Variants in CA10 observed in about 807,000 individuals in gnomAD.
CA10 encodes carbonic anhydrase-related protein 10.
Under a neutral mutation model 44.2 loss-of-function variants are expected in CA10, and 14 were observed. The observed-to-expected ratio is 0.32, with a 90% confidence interval of 0.21 to 0.50. The LOEUF (loss-of-function observed/expected upper bound fraction) is 0.50. CA10 is among the 20% of genes least tolerant of loss of function. CA10 has a pLI of 0.99. For synonymous variants in CA10, 159 were observed against 141.6 expected (o/e 1.12, Z -0.87); for missense variants, 350 against 409.7 (o/e 0.85, Z 1.26).
At chr17:52,032,928 A>T (rs910877566) in intron 2 of CA10, among the ~76,000 whole-genome samples, 4 of 152,214 alleles carry the variant, frequency 2.6e-5, no homozygotes, top group Admixed American at 6.5e-5. Context: ...CATAAACATT[A>T]TCCTAATTAG....
chr17:51,827,330 ACG>A (rs961202557), intron 3 of CA10, among the ~76,000 whole-genome samples: 8 of 136,076 alleles, frequency 5.9e-5, no homozygotes, highest in Middle Eastern at 3.6e-3. Context: ...GGAGAGAAAC[ACG>A]CACACACACA....
chr17:52,148,172 A>G (rs1406944470), intron 1 of CA10, among the ~76,000 whole-genome samples: 1 of 152,216 alleles, frequency 6.6e-6, no homozygotes, highest in Non-Finnish European at 1.5e-5. Context: ...AAGACTAAAA[A>G]GTGGGGTAGG....
intron 5 of CA10, among the ~76,000 whole-genome samples, chr17:51,651,590 T>G (rs1913567182): frequency 1.3e-5 from 2 of 152,194 alleles, no homozygotes; most frequent in African/African-American, 4.8e-5. Flanking sequence ...GGCAAGCAAC[T>G]AGGACTTGCA....
chr17:51,826,484 G>A (rs911066921), intron 3 of CA10, among the ~76,000 whole-genome samples: 1 of 152,236 alleles, frequency 6.6e-6, no homozygotes, highest in Non-Finnish European at 1.5e-5. Context: ...GACTTCATAA[G>A]CTATGAAGCA....
chr17:52,012,985 G>T (rs189867782), intron 2 of CA10, among the ~76,000 whole-genome samples: 548 of 152,026 alleles, frequency 3.6e-3, no homozygotes, highest in Non-Finnish European at 6.6e-3. Context: ...TGCTGGCCAA[G>T]GTGTACATAT....
chr17:51,843,525 G>A (rs939096396), intron 3 of CA10, among the ~76,000 whole-genome samples: 4 of 152,034 alleles, frequency 2.6e-5, no homozygotes, highest in South Asian at 2.1e-4. Context: ...TTTCCCCCAC[G>A]TGAAGTCTCC....
At chr17:51,849,260 TATATA>T (rs1978679684) in intron 3 of CA10, among the ~76,000 whole-genome samples, 1 of 137,512 alleles carries the variant, frequency 7.3e-6, no homozygotes, top group African/African-American at 2.6e-5. Context: ...TATATATATA[TATATA>T]AAACTAAGTT....
chr17:51,865,562 C>G, intron 3 of CA10, among the ~76,000 whole-genome samples: 1 of 152,222 alleles, frequency 6.6e-6, no homozygotes, highest in Middle Eastern at 3.4e-3. Context: ...CTCAGGGAGC[C>G]GGTGGGGGGG....
chr17:52,120,486 C>A lies in CA10; in HGVS notation c.61+37240G>T, dbSNP rs145406837. ...TCCTTATCCTTATCCTTATCTTTAACCTAAGGGCATTTAGATGTACTTCTA... is the reference window on the plus strand; with the variant it reads ...TCCTTATCCTTATCCTTATCTTTAAACTAAGGGCATTTAGATGTACTTCTA... On this transcript the variant is annotated intron_variant, in intron 1 of 8. Transcript: ENST00000451037. 6.7e-3 allele frequency among the ~76,000 whole-genome samples: 1,018 copies of A among 151,568 alleles called. 8 individuals are homozygous for A. The Middle Eastern group carries it at 0.078, about 12-fold the overall frequency.
intron 2 of CA10, among the ~76,000 whole-genome samples, chr17:51,991,364 G>A (rs1022326135): frequency 6.6e-6 from 1 of 152,098 alleles, no homozygotes; most frequent in African/African-American, 2.4e-5. Flanking sequence ...ATCTATTTCA[G>A]ATGTATTTCT....
intron 3 of CA10, among the ~76,000 whole-genome samples, chr17:51,773,847 C>T (rs891340903): frequency 2.0e-5 from 3 of 152,200 alleles, no homozygotes; most frequent in Non-Finnish European, 4.4e-5. Flanking sequence ...CCAATTGCTA[C>T]TTGCAACACA....
intron 6 of CA10, among the ~76,000 whole-genome samples, chr17:51,638,767 G>A (rs551447711): frequency 1.2e-4 from 18 of 152,362 alleles, no homozygotes; most frequent in African/African-American, 3.8e-4. Context: ...GGGCGAGGGT[G>A]CGGGGTACTC....
At chr17:51,689,334 A>G (rs541212981) in intron 4 of CA10, among the ~76,000 whole-genome samples, 2 of 152,350 alleles carry the variant, frequency 1.3e-5, no homozygotes, top group East Asian at 3.9e-4. Flanking sequence ...AAGCTCCTAG[A>G]GGTGGCATAG....
intron 3 of CA10, among the ~76,000 whole-genome samples, chr17:51,821,039 C>A (rs1388034624): frequency 1.0e-5 from 1 of 96,784 alleles, no homozygotes; most frequent in Non-Finnish European, 2.0e-5. Context: ...CTCCCTCCCT[C>A]CCTCCCTCCC....
At chr17:52,051,461 A>C (rs951313996) in intron 2 of CA10, among the ~76,000 whole-genome samples, 2 of 151,548 alleles carry the variant, frequency 1.3e-5, no homozygotes, top group African/African-American at 2.4e-5. Flanking sequence ...AAAAAAAAAA[A>C]CTCCATGAAG....
At chr17:51,773,091 T>C (rs1905671874) in intron 3 of CA10, among the ~76,000 whole-genome samples, 1 of 152,212 alleles carries the variant, frequency 6.6e-6, no homozygotes, top group African/African-American at 2.4e-5. Flanking sequence ...CCTACCTGAC[T>C]AACATATTGA....
chr17:51,998,271 G>A (rs1490611047), intron 2 of CA10, among the ~76,000 whole-genome samples: 1 of 152,086 alleles, frequency 6.6e-6, no homozygotes, highest in Non-Finnish European at 1.5e-5. Context: ...AACAATGAAA[G>A]TAGTATAATA....
chr17:51,853,905 G>A (rs552458062), intron 3 of CA10, among the ~76,000 whole-genome samples: 2 of 152,262 alleles, frequency 1.3e-5, no homozygotes, highest in South Asian at 4.1e-4. Flanking sequence ...CAGCCATGTG[G>A]AACTGTGAGT....
At chr17:51,682,055 T>C (rs2143393593) in intron 4 of CA10, among the ~76,000 whole-genome samples, 1 of 152,338 alleles carries the variant, frequency 6.6e-6, no homozygotes, top group South Asian at 2.1e-4. Flanking sequence ...TACCATGTTT[T>C]CCCCTAATGC....
Sources: gnomAD v4.1 joint callset for allele counts (sites outside exome capture counted in the v4.1 genomes callset) on GRCh38, gnomAD v4.1.1 for gene constraint, MANE v1.5 for transcripts, NCBI Gene and HGNC (gene_info 2026-07-23, HGNC 2026-07-21) for gene names.